KAT2B: variants seen among roughly 807,000 people sequenced by gnomAD.
KAT2B encodes histone acetyltransferase KAT2B.
In KAT2B, 36 loss-of-function variants were observed where a neutral mutation model predicts 105.9. The observed-to-expected ratio is 0.34, with a 90% CI of 0.26 to 0.45. The LOEUF (loss-of-function observed/expected upper bound fraction) is 0.45, where lower values mean the gene tolerates loss of function less well. Among genes scored for constraint, KAT2B ranks in the 20% least tolerant of loss-of-function variants. The pLI is 1.00. For synonymous variants in KAT2B, 397 were observed against 377.9 expected, an observed-to-expected ratio of 1.05 and a Z score of -0.59; for missense variants, 820 against 1,021.6, an observed-to-expected ratio of 0.80 and a Z score of 2.69.
At chr3:20,068,750 A>T (rs558623605) in intron 1 of KAT2B, among the ~76,000 whole-genome samples, 7 of 152,290 alleles carry the variant, frequency 4.6e-5, no homozygotes, top group Admixed American at 1.3e-4. Flanking sequence ...TTGGCTTGAA[A>T]TGCTGTTCTC....
rs148960024 is a variant in KAT2B, at chr3:20,147,980, C to A, written c.2137C>A (p.Pro713Thr). The A allele has an allele frequency of 4.9e-3, 7,957 of 1,613,320 alleles. 74 individuals are homozygous for A. Among genetic ancestry groups the A allele is most frequent in the Admixed American group, 0.02 (1,183 of 59,964 alleles). The change falls in exon 15 of 18, where the codon CCG becomes ACG. Residue 713 changes from proline to threonine, a missense_variant. Transcript: ENST00000263754. ...IPGIRETGWK[P>T]SGKEKSKEPR... ...ACGTATAGGAGAGACAGGCTGGAAA[C>A]CGAGTGGAAAAGAGAAAAGGTAAGT...
chr3:20,072,068 A>T (rs1032583453), intron 1 of KAT2B, among the ~76,000 whole-genome samples: 12 of 152,182 alleles, frequency 7.9e-5, no homozygotes, highest in Non-Finnish European at 1.3e-4. Flanking sequence ...CACTGGGGGC[A>T]ATGGTAGCAA....
intron 7 of KAT2B, among the ~76,000 whole-genome samples, chr3:20,118,132 A>G (rs1158596036): frequency 6.7e-6 from 1 of 148,514 alleles, no homozygotes; most frequent in East Asian, 1.9e-4. Context: ...ACATGTATAT[A>G]TAAAAAAAAA....
At chr3:20,070,201 TC>T (rs925026192) in intron 1 of KAT2B, among the ~76,000 whole-genome samples, 2 of 152,162 alleles carry the variant, frequency 1.3e-5, no homozygotes, top group Non-Finnish European at 2.9e-5. Flanking sequence ...GGTTAGGTAT[TC>T]CAGATTCACA....
intron 3 of KAT2B, among the ~76,000 whole-genome samples, chr3:20,096,631 A>ATTTATAAATATATATAAAGT (rs1698815973): frequency 6.6e-6 from 1 of 152,180 alleles, no homozygotes; most frequent in African/African-American, 2.4e-5. Flanking sequence ...ACTCTCCTTC[A>ATTTATAAATATATATAAAGT]ACTCATTTAT....
At chr3:20,057,206 C>T (rs935051353) in intron 1 of KAT2B, among the ~76,000 whole-genome samples, 19 of 152,034 alleles carry the variant, frequency 1.2e-4, no homozygotes, top group African/African-American at 4.6e-4. Context: ...AAGGACAGTG[C>T]CAACAAAGGG....
intron 2 of KAT2B, 143 bp downstream of exon 2, chr3:20,072,602 G>C (rs1053926412): frequency 7.9e-6 from 6 of 760,908 alleles, no homozygotes; most frequent in African/African-American, 5.2e-5. Flanking sequence ...CTAGTCTCAC[G>C]AGTTTGCTGG....
In KAT2B at chr3:20,047,208, C is replaced by T. The variant is rs144314130; in HGVS notation, c.303+6428C>T. Among the ~76,000 whole-genome samples the T allele has an allele frequency of 8.9e-3, 1,344 of 151,678 alleles. 22 individuals carry two copies. Among genetic ancestry groups the T allele is most frequent in the African/African-American group, 0.031 (1,283 of 41,334 alleles). ...CTGGGAGGCTACTTGGCCAGGCGCA[C>T]GTCACCATGGCCGGCTAATTTTTGT... On this transcript the variant is annotated intron_variant, in intron 1 of 17. Transcript: ENST00000263754.
In KAT2B at chr3:20,058,379, T is replaced by A. The variant is rs184582122; in HGVS notation, c.304-13954T>A. 1.2e-4 allele frequency among the ~76,000 whole-genome samples: 16 copies of A among 134,860 alleles called. No homozygotes were observed. In the Admixed American group the frequency reaches 1.4e-3, roughly 12 times the overall value. 88.5% of individuals were successfully genotyped at this position (134,860 alleles called of 152,430 possible). ...CTGAGGCAGGAGAATTGCTTGAACCTGGGAGGCGGACATTGCAGTGAGCCG... is the reference window on the plus strand; with the variant it reads ...CTGAGGCAGGAGAATTGCTTGAACCAGGGAGGCGGACATTGCAGTGAGCCG... On this transcript the variant is annotated intron_variant, in intron 1 of 17. Coordinates refer to ENST00000263754, the MANE Select transcript of KAT2B (RefSeq NM_003884.5).
At chr3:20,062,088 A>ATATATAAAACATATAATATATAT (rs1559514044) in intron 1 of KAT2B, among the ~76,000 whole-genome samples, 3 of 93,568 alleles carry the variant, frequency 3.2e-5, no homozygotes, top group Non-Finnish European at 5.7e-5. Flanking sequence ...AATATATATT[A>ATATATAAAACATATAATATATAT]TATATAAAAC....
At chr3:20,119,527 T>A in intron 7 of KAT2B, 71 bp from the exon 8 acceptor site, 2 of 1,559,052 alleles carry the variant, frequency 1.3e-6, no homozygotes, top group South Asian at 2.3e-5. Context: ...TGGTCCCATG[T>A]GCACTTCGTT....
intron 11 of KAT2B, among the ~76,000 whole-genome samples, chr3:20,133,075 ATGC>A (rs1699539635): frequency 6.6e-6 from 1 of 152,250 alleles, no homozygotes; most frequent in African/African-American, 2.4e-5. Context: ...ACATATACAA[ATGC>A]GTTTTCAGAT....
intron 1 of KAT2B, among the ~76,000 whole-genome samples, chr3:20,061,949 TTA>T (rs1698113790): frequency 8.5e-6 from 1 of 117,686 alleles, no homozygotes; most frequent in Non-Finnish European, 1.6e-5. Context: ...ATAATATATA[TTA>T]TATATAAAAC....
intron 2 of KAT2B, among the ~76,000 whole-genome samples, chr3:20,076,928 T>C (rs1213335170): frequency 2.0e-5 from 3 of 152,224 alleles, no homozygotes; most frequent in African/African-American, 7.2e-5. Flanking sequence ...ATTCTTGAAT[T>C]TGTCAGAACA....
chr3:20,066,697 G>T (rs1433525189), intron 1 of KAT2B, among the ~76,000 whole-genome samples: 2 of 151,592 alleles, frequency 1.3e-5, no homozygotes, highest in South Asian at 4.2e-4. Flanking sequence ...CACCGCACCT[G>T]GCTGGGACAT....
At chr3:20,056,427 G>A (rs114086073) in intron 1 of KAT2B, among the ~76,000 whole-genome samples, 1 of 152,160 alleles carries the variant, frequency 6.6e-6, no homozygotes, top group Non-Finnish European at 1.5e-5. Flanking sequence ...TTTGTTGGAG[G>A]TGATACATTA....
intron 13 of KAT2B, among the ~76,000 whole-genome samples, chr3:20,141,234 T>G (rs1311148710): frequency 6.6e-6 from 1 of 152,236 alleles, no homozygotes; most frequent in Non-Finnish European, 1.5e-5. Context: ...TCTGAAGGCT[T>G]ATCCTTCTAG....
intron 14 of KAT2B, 188 bp downstream of exon 14, chr3:20,146,618 A>C: frequency 2.2e-6 from 1 of 453,020 alleles, no homozygotes; most frequent in Non-Finnish European, 4.0e-6. Context: ...ATACAAACAA[A>C]CCAAAGGGAG....
intron 5 of KAT2B, among the ~76,000 whole-genome samples, chr3:20,108,789 C>T (rs888307009): frequency 6.6e-6 from 1 of 152,188 alleles, no homozygotes. Flanking sequence ...CACCTCCTGT[C>T]AGATCAGTGG....
Sources: gnomAD v4.1 joint callset for allele counts (sites outside exome capture counted in the v4.1 genomes callset) on GRCh38, gnomAD v4.1.1 for gene constraint, MANE v1.5 for transcripts, NCBI Gene and HGNC (gene_info 2026-07-23, HGNC 2026-07-21) for gene names.